Variants in ZNF136 observed in about 807,000 individuals in gnomAD.
The protein encoded by ZNF136 is zinc finger protein 136.
In ZNF136, 8 loss-of-function variants were observed where a neutral mutation model predicts 11.4. The observed-to-expected ratio is 0.70, with a 90% CI of 0.41 to 1.27. ZNF136 has a LOEUF of 1.27. ZNF136 is among the 50% of genes most tolerant of loss of function. ZNF136 has a pLI of 0.01. For missense variants in ZNF136, 590 were observed against 656.5 expected, an observed-to-expected ratio of 0.90 and a Z score of 1.11; for synonymous variants, 190 against 207.1, an observed-to-expected ratio of 0.92 and a Z score of 0.71.
chr19:12,180,718 G>A (rs1003437323), intron 1 of ZNF136, among the ~76,000 whole-genome samples: 1 of 152,188 alleles, frequency 6.6e-6, no homozygotes, highest in African/African-American at 2.4e-5. Context: ...AGACAGTCCT[G>A]CCTTTTTGAG....
Position 12,176,001 on chromosome 19 carries a change from A to ACTACC in ZNF136, c.4-9783_4-9779dup, listed in dbSNP as rs556497624. On this transcript the variant is annotated intron_variant, in intron 1 of 3. Coordinates refer to ENST00000343979, the MANE Select transcript of ZNF136 (RefSeq NM_003437.5). ...AGTAATACGCATTTAAGGTTCTTCC[A>ACTACC]CTACCTTTTAGCTCATTTATTTTTA... Among the ~76,000 whole-genome samples, 16 of 152,246 alleles carry ACTACC rather than the reference A, an allele frequency of 1.1e-4. No individual in the cohort carries two copies. In the South Asian group the frequency reaches 3.1e-3, roughly 30 times the overall value.
intron 1 of ZNF136, 86 bp downstream of exon 1, chr19:12,163,292 C>G (rs985068565): frequency 2.3e-6 from 3 of 1,319,976 alleles, no homozygotes; most frequent in South Asian, 5.2e-5. Flanking sequence ...CCCGGGCCTT[C>G]CCGTGGGCGA....
rs749103097 is a variant in ZNF136, at chr19:12,187,306, T to C, written c.928T>C (p.Cys310Arg). 7 of 1,613,976 alleles carry C rather than the reference T, an allele frequency of 4.3e-6. No homozygotes were observed. The highest frequency in any genetic ancestry group is 3.3e-5 in the Admixed American group (2 of 59,988). The change falls in exon 4 of 4, where the codon TGC becomes CGC. Residue 310 changes from cysteine to arginine, a missense_variant. Transcript: ENST00000343979. ...RTHTGEKPYECKQCGKAFSYL... is the reference protein window; with the variant it reads ...RTHTGEKPYERKQCGKAFSYL... ...CCATACTGGAGAGAAACCTTATGAA[T>C]GCAAGCAGTGTGGGAAGGCCTTCAG...
rs1032628893 is a variant in ZNF136 at position 12,189,498 on chromosome 19, G to A, written c.*1497G>A. ...AGCCTCCTAGGAAGCTGGGACTACAGGCATGTGCCACCACACCTGGCTAAT... is the reference window on the plus strand; with the variant it reads ...AGCCTCCTAGGAAGCTGGGACTACAAGCATGTGCCACCACACCTGGCTAAT... On this transcript the variant is annotated 3_prime_UTR_variant, in exon 4 of 4. Coordinates refer to ENST00000343979, the MANE Select transcript of ZNF136 (RefSeq NM_003437.5). 1 of 152,198 alleles carries A rather than the reference G, an allele frequency of 6.6e-6. No homozygotes were observed. Among genetic ancestry groups the A allele is most frequent in the Non-Finnish European group, 1.5e-5 (1 of 68,090 alleles). 9.4% of individuals were successfully genotyped at this position (152,198 alleles called of 1,614,324 possible).
rs546485772 is a variant in ZNF136 at position 12,188,885 on chromosome 19, A to G, written c.*884A>G. ...AAGCCTCATGCATAGCGGGTCATGT[A>G]GTCTCTAGAAAATACATAACCTGAT... is the stretch of plus-strand genomic sequence containing the variant. On this transcript the variant is annotated 3_prime_UTR_variant, in exon 4 of 4. Coordinates refer to ENST00000343979, the MANE Select transcript of ZNF136 (RefSeq NM_003437.5). 5 of 152,300 alleles carry G rather than the reference A, an allele frequency of 3.3e-5. No individual in the cohort carries two copies. The highest frequency in any genetic ancestry group is 3.3e-4 in the Admixed American group (5 of 15,290). 9.4% of individuals were successfully genotyped at this position (152,300 alleles called of 1,614,324 possible).
chr19:12,171,983 T>C (rs1481497386), intron 1 of ZNF136, among the ~76,000 whole-genome samples: 1 of 150,350 alleles, frequency 6.7e-6, no homozygotes, highest in Non-Finnish European at 1.5e-5. Context: ...TCTCTCTTTT[T>C]TTTTTTTTTT....
At chr19:12,175,904 T>G (rs1018096442) in intron 1 of ZNF136, among the ~76,000 whole-genome samples, 7 of 152,240 alleles carry the variant, frequency 4.6e-5, no homozygotes, top group Non-Finnish European at 1.0e-4. Flanking sequence ...CAGTATGTAG[T>G]CTTTTCAAAG....
Position 12,186,783 on chromosome 19 carries a change from T to C in ZNF136, c.405T>C (p.Tyr135=), listed in dbSNP as rs995003138. 6.2e-7 allele frequency: 1 copy of C among 1,614,002 alleles called. No individual in the cohort carries two copies. The highest frequency in any genetic ancestry group is 1.3e-5 in the African/African-American group (1 of 74,920). ...ATGAACCAAAGGAATATCAGGAATATGGAGAGAAGCCAGATACACGTAACC... is the reference window on the plus strand; with the variant it reads ...ATGAACCAAAGGAATATCAGGAATACGGAGAGAAGCCAGATACACGTAACC... ...SGHEPKEYQE[Y]GEKPDTRNQC... The change falls in exon 4 of 4, where the codon TAT becomes TAC. Residue 135 remains tyrosine (Y), a synonymous_variant. Coordinates refer to ENST00000343979, the MANE Select transcript of ZNF136 (RefSeq NM_003437.5).
In ZNF136 at chr19:12,188,857, A is replaced by G. The variant is rs1486737065; in HGVS notation, c.*856A>G. ...AAAATCCTATAAATGTAAGTACTTC[A>G]AAAAGCCTCATGCATAGCGGGTCAT... is the stretch of plus-strand genomic sequence containing the variant. On this transcript the variant is annotated 3_prime_UTR_variant, in exon 4 of 4. Coordinates refer to ENST00000343979, the MANE Select transcript of ZNF136 (RefSeq NM_003437.5). 1 of 152,204 alleles carries G rather than the reference A, an allele frequency of 6.6e-6. No homozygotes were observed. The highest frequency in any genetic ancestry group is 1.5e-5 in the Non-Finnish European group (1 of 68,044). The allele number at this position is 152,204 out of a possible 1,614,324, so 9.4% of individuals were successfully genotyped here.
chr19:12,163,110 C>G lies in ZNF136; in HGVS notation c.-94C>G. 1 of 1,337,688 alleles carries G rather than the reference C, an allele frequency of 7.5e-7. No individual in the cohort carries two copies. Among genetic ancestry groups the G allele is most frequent in the Non-Finnish European group, 9.7e-7 (1 of 1,025,690 alleles). The allele number at this position is 1,337,688 out of a possible 1,614,324, so 82.9% of individuals were successfully genotyped here. A position where few individuals can be genotyped will look rare whatever the true frequency, so the allele number is the denominator to read the frequency against. On this transcript the variant is annotated 5_prime_UTR_variant, in exon 1 of 4. Transcript: ENST00000343979. The stretch of plus-strand genomic sequence containing the variant: ...GGTTTCGCTTCGCTAGTCCCAGAGG[C>G]CCAGAGTGGCTCGCCTGGAGTCTCT...
At position 12,188,314 on chromosome 19, in the gene ZNF136, G is replaced by A. The variant is rs1019126443; in HGVS notation, c.*313G>A. ...TCACACAACCCTGTCACACATGAAT[G>A]TGTAGTGGAGAGAACCTTGGTAAAT... is the stretch of plus-strand genomic sequence containing the variant. On this transcript the variant is annotated 3_prime_UTR_variant, in exon 4 of 4. Coordinates refer to ENST00000343979, the MANE Select transcript of ZNF136 (RefSeq NM_003437.5). 3 of 216,778 alleles carry A rather than the reference G, an allele frequency of 1.4e-5. No homozygotes were observed. The highest frequency in any genetic ancestry group is 4.6e-5 in the African/African-American group (2 of 43,684). 13.4% of individuals were successfully genotyped at this position (216,778 alleles called of 1,614,324 possible). A position where few individuals can be genotyped will look rare whatever the true frequency, so the allele number is the denominator to read the frequency against.
chr19:12,164,577 G>C (rs1977159357), intron 1 of ZNF136: 1 of 152,246 alleles, frequency 6.6e-6, no homozygotes, highest in Non-Finnish European at 1.5e-5. Flanking sequence ...CCAGTACCTG[G>C]GACTACAGGC....
At chr19:12,178,092 G>A (rs932745919) in intron 1 of ZNF136, among the ~76,000 whole-genome samples, 15 of 152,196 alleles carry the variant, frequency 9.9e-5, no homozygotes, top group African/African-American at 3.6e-4. Flanking sequence ...GGGTGTCAGA[G>A]TGAGACTCAA....
intron 1 of ZNF136, among the ~76,000 whole-genome samples, chr19:12,169,727 G>T (rs983435252): frequency 9.2e-5 from 14 of 151,844 alleles, no homozygotes; most frequent in Admixed American, 5.9e-4. Context: ...TCCTGCCTCA[G>T]CCTACCGAGT....
rs144617988 is a variant in ZNF136, at chr19:12,186,616, C to T, written c.238C>T (p.Arg80Cys). 8.7e-6 allele frequency: 14 copies of T among 1,613,926 alleles called. No individual in the cohort carries two copies. The African/African-American group carries it at 1.1e-4, about 12-fold the overall frequency. ...CTATCAAACTAAGGATGGTAGTCAG[C>T]GTGGAGGAATTTTTAGCCAGTTTGC... is the stretch of plus-strand genomic sequence containing the variant. Reference protein sequence around the residue: ...RLYQTKDGSQRGGIFSQFANQ... With the variant: ...RLYQTKDGSQCGGIFSQFANQ... The change falls in exon 4 of 4, where the codon CGT becomes TGT. Residue 80 changes from arginine (R) to cysteine (C), a missense_variant. Transcript: ENST00000343979.
chr19:12,183,488 A>T (rs901140118), intron 1 of ZNF136, among the ~76,000 whole-genome samples: 3 of 152,308 alleles, frequency 2.0e-5, no homozygotes, highest in East Asian at 3.9e-4. Context: ...AGAAGGCTAC[A>T]GGGAGAAAAA....
chr19:12,168,435 A>G (rs1914546069), intron 1 of ZNF136, among the ~76,000 whole-genome samples: 1 of 151,982 alleles, frequency 6.6e-6, no homozygotes, highest in South Asian at 2.1e-4. Flanking sequence ...TGTTAATGTA[A>G]AAATTCTGGA....
chr19:12,173,277 A>G (rs1271206300), intron 1 of ZNF136, among the ~76,000 whole-genome samples: 2 of 152,124 alleles, frequency 1.3e-5, no homozygotes, highest in Admixed American at 1.3e-4. Context: ...TTCCCACTCA[A>G]TCTATTAGTA....
chr19:12,181,479 G>GTT (rs61067620), intron 1 of ZNF136, among the ~76,000 whole-genome samples: 5 of 140,966 alleles, frequency 3.5e-5, no homozygotes, highest in Non-Finnish European at 4.7e-5. Flanking sequence ...ATTTGTTTTT[G>GTT]TTTTTTTTTT....
Sources: allele counts gnomAD v4.1 joint callset (sites outside exome capture counted in the v4.1 genomes callset), GRCh38; gene constraint gnomAD v4.1.1; transcripts MANE v1.5; gene names NCBI Gene and HGNC (gene_info 2026-07-23, HGNC 2026-07-21).